The following GUCY1A2 variants were observed in gnomAD, a reference collection of about 807,000 sequenced individuals.
The protein encoded by GUCY1A2 is guanylate cyclase 1 soluble subunit alpha 2, also known as guanylate cyclase soluble subunit alpha-2.
Under a neutral mutation model 63.5 loss-of-function variants are expected in GUCY1A2, and 27 were observed. The observed-to-expected ratio is 0.43, with a 90% CI of 0.31 to 0.59. GUCY1A2 has a LOEUF of 0.59. Among genes scored for constraint, GUCY1A2 ranks in the 20% least tolerant of loss-of-function variants. The pLI is 0.11. For missense variants in GUCY1A2, 768 were observed against 913.3 expected (o/e 0.84, Z 2.05); for synonymous variants, 364 against 343.5 (o/e 1.06, Z -0.66).
Position 106,993,260 on chromosome 11 carries a change from T to C in GUCY1A2, c.304-7129A>G, listed in dbSNP as rs529578414. Among the ~76,000 whole-genome samples, 5 of 152,324 alleles carry C rather than the reference T, an allele frequency of 3.3e-5. No homozygotes were observed. In the East Asian group the frequency reaches 5.8e-4, roughly 18 times the overall value. On this transcript the variant is annotated intron_variant, in intron 1 of 7. Coordinates refer to ENST00000526355, the MANE Select transcript of GUCY1A2 (RefSeq NM_000855.3). Reference sequence around the variant, plus strand: ...ACCTTCTCCATAACATGAGAACACATTGTTTCTTAGGATACCCTATGTCAA... The same window carrying C: ...ACCTTCTCCATAACATGAGAACACACTGTTTCTTAGGATACCCTATGTCAA...
chr11:106,946,968 C>G (rs1860837690), intron 3 of GUCY1A2, among the ~76,000 whole-genome samples: 1 of 151,914 alleles, frequency 6.6e-6, no homozygotes. Flanking sequence ...CCTGTAATCC[C>G]AGCACTTTGG....
intron 3 of GUCY1A2, among the ~76,000 whole-genome samples, chr11:106,959,618 G>T (rs1861034834): frequency 6.6e-6 from 1 of 152,314 alleles, no homozygotes; most frequent in African/African-American, 2.4e-5. Context: ...CGCAAGGGAA[G>T]CTGCTTTCAA....
chr11:107,005,235 G>T (rs888509680), intron 1 of GUCY1A2, among the ~76,000 whole-genome samples: 2 of 152,180 alleles, frequency 1.3e-5, no homozygotes, highest in African/African-American at 4.8e-5. Context: ...GACAATAGCT[G>T]CTGTGGACAT....
chr11:107,009,387 ATGT>A (rs1179128738), intron 1 of GUCY1A2, among the ~76,000 whole-genome samples: 2 of 152,190 alleles, frequency 1.3e-5, no homozygotes, highest in East Asian at 1.9e-4. Flanking sequence ...CATTTGAGAA[ATGT>A]TGTGTCAATC....
chr11:106,688,527 A>G (rs757029927), intron 7 of GUCY1A2, among the ~76,000 whole-genome samples: 7 of 152,194 alleles, frequency 4.6e-5, no homozygotes, highest in Non-Finnish European at 1.0e-4. Flanking sequence ...TTATTGCCCA[A>G]GAAAAGCCTC....
chr11:106,978,815 C>A (rs1484061764), intron 2 of GUCY1A2, 75 bp from the exon 3 acceptor site: 3 of 887,268 alleles, frequency 3.4e-6, no homozygotes, highest in Middle Eastern at 2.2e-4. Flanking sequence ...TACACACGCA[C>A]AAGCACACGC....
At chr11:106,968,360 G>A (rs1298286295) in intron 3 of GUCY1A2, among the ~76,000 whole-genome samples, 1 of 152,042 alleles carries the variant, frequency 6.6e-6, no homozygotes, top group Non-Finnish European at 1.5e-5. Context: ...TTTGGGATTA[G>A]GATTCAAATC....
At chr11:106,709,823 A>G (rs1332168351) in intron 6 of GUCY1A2, among the ~76,000 whole-genome samples, 2 of 80,428 alleles carry the variant, frequency 2.5e-5, no homozygotes, top group African/African-American at 7.1e-5. Context: ...ATAGTTATAT[A>G]TTATATACAC....
intron 6 of GUCY1A2, among the ~76,000 whole-genome samples, chr11:106,755,559 T>C (rs887545129): frequency 2.0e-5 from 3 of 152,226 alleles, no homozygotes; most frequent in African/African-American, 7.2e-5. Context: ...TTTGTCTTCA[T>C]TGGTTTCACA....
intron 6 of GUCY1A2, among the ~76,000 whole-genome samples, chr11:106,756,725 C>G (rs949115062): frequency 6.6e-6 from 1 of 152,234 alleles, no homozygotes; most frequent in Non-Finnish European, 1.5e-5. Context: ...TGCTGTTAGT[C>G]TGATGAGCTT....
At chr11:106,698,230 CT>C (rs1371107638) in intron 7 of GUCY1A2, among the ~76,000 whole-genome samples, 3 of 148,626 alleles carry the variant, frequency 2.0e-5, no homozygotes, top group African/African-American at 7.6e-5. Flanking sequence ...AGTGATCCCC[CT>C]GCCTCAGCCT....
At chr11:106,922,434 AAGAC>A (rs1157896732) in intron 4 of GUCY1A2, among the ~76,000 whole-genome samples, 4 of 151,628 alleles carry the variant, frequency 2.6e-5, no homozygotes, top group East Asian at 1.9e-4. Context: ...AATTTAATAA[AAGAC>A]AGACACAGAA....
At chr11:106,946,229 C>A (rs1195199201) in intron 3 of GUCY1A2, among the ~76,000 whole-genome samples, 1 of 151,818 alleles carries the variant, frequency 6.6e-6, no homozygotes, top group African/African-American at 2.4e-5. Flanking sequence ...ATAAAAAACC[C>A]ATGGGTCTAA....
At position 106,685,809 on chromosome 11, in the gene GUCY1A2, C is replaced by A. The variant is rs77962613; in HGVS notation, c.*1740G>T. The stretch of plus-strand genomic sequence containing the variant: ...TGTCTTCTCCATATAAAGAGTGTTG[C>A]ACTCGTGTCCTTGTAAACCCCCAGG... On this transcript the variant is annotated 3_prime_UTR_variant, in exon 8 of 8. Transcript: ENST00000526355. The A allele has an allele frequency of 1.7e-3, 388 of 226,218 alleles. 2 individuals carry two copies. Among genetic ancestry groups the A allele is most frequent in the African/African-American group, 8.0e-3 (362 of 45,016 alleles). 14.0% of individuals were successfully genotyped at this position (226,218 alleles called of 1,614,324 possible).
At chr11:106,831,792 T>G (rs184473958) in intron 4 of GUCY1A2, among the ~76,000 whole-genome samples, 127 of 152,238 alleles carry the variant, frequency 8.3e-4, no homozygotes, top group African/African-American at 2.8e-3. Flanking sequence ...GGACTGGGAT[T>G]TCACGATTGT....
intron 1 of GUCY1A2, among the ~76,000 whole-genome samples, chr11:107,014,413 G>A (rs540476708): frequency 4.6e-5 from 7 of 152,156 alleles, no homozygotes; most frequent in African/African-American, 1.4e-4. Flanking sequence ...ATGCCAATAT[G>A]ACAGTTTGTC....
intron 3 of GUCY1A2, among the ~76,000 whole-genome samples, chr11:106,954,156 T>C (rs1295039608): frequency 6.6e-6 from 1 of 152,222 alleles, no homozygotes; most frequent in Non-Finnish European, 1.5e-5. Context: ...CATTTAATGC[T>C]ATAGATTTCC....
At chr11:106,799,290 C>A (rs183711881) in intron 5 of GUCY1A2, among the ~76,000 whole-genome samples, 14 of 152,134 alleles carry the variant, frequency 9.2e-5, no homozygotes, top group East Asian at 7.7e-4. Flanking sequence ...ATGGGTAGGA[C>A]GAATCAATGT....
intron 4 of GUCY1A2, chr11:106,827,945 G>T: frequency 9.3e-7 from 1 of 1,080,160 alleles, no homozygotes; most frequent in South Asian, 1.3e-5. Context: ...CGAGACTCTG[G>T]ACTCCAGGAG....
Sources: gnomAD v4.1 joint callset for allele counts (sites outside exome capture counted in the v4.1 genomes callset) on GRCh38, gnomAD v4.1.1 for gene constraint, MANE v1.5 for transcripts, NCBI Gene and HGNC (gene_info 2026-07-23, HGNC 2026-07-21) for gene names.